STAT5B: variants seen among roughly 807,000 people sequenced by gnomAD.
STAT5B encodes transcription factor STAT5B.
Under a neutral mutation model 107.8 loss-of-function variants are expected in STAT5B, and 21 were observed. That is an observed-to-expected ratio of 0.19 (90% CI 0.14 to 0.28). STAT5B has a LOEUF of 0.28. Among genes scored for constraint, STAT5B ranks in the 10% least tolerant of loss-of-function variants. STAT5B has a pLI of 1.00. For missense variants in STAT5B, 565 were observed against 1,008.2 expected (o/e 0.56, Z 5.95); for synonymous variants, 325 against 401.7 (o/e 0.81, Z 2.28).
intron 15 of STAT5B, 26 bp downstream of exon 15, chr17:42,210,145 G>A (rs1435587446): frequency 1.2e-6 from 2 of 1,613,974 alleles, no homozygotes; most frequent in African/African-American, 1.3e-5. Flanking sequence ...AGCTAACTTT[G>A]GACATAAGAA....
chr17:42,235,861 C>A (rs189365533), intron 1 of STAT5B, among the ~76,000 whole-genome samples: 2 of 152,038 alleles, frequency 1.3e-5, no homozygotes, highest in African/African-American at 2.4e-5. Context: ...ACTTGCGGAG[C>A]GAATAAATAC....
chr17:42,262,774 ATGTATATATATACACATATATATGTG>A (rs1555553444), intron 1 of STAT5B, among the ~76,000 whole-genome samples: 9 of 134,838 alleles, frequency 6.7e-5, no homozygotes, highest in African/African-American at 2.6e-4. Flanking sequence ...ATATACATAT[ATGTATATATATACACATATATATGTG>A]TGTATATATA....
At chr17:42,266,025 T>G (rs2080668143) in intron 1 of STAT5B, among the ~76,000 whole-genome samples, 1 of 152,194 alleles carries the variant, frequency 6.6e-6, no homozygotes, top group Non-Finnish European at 1.5e-5. Flanking sequence ...TTTCTTATTT[T>G]GTCACTTAGC....
intron 12 of STAT5B, chr17:42,214,726 T>C (rs750981936): frequency 7.6e-4 from 657 of 870,038 alleles, no homozygotes; most frequent in Non-Finnish European, 8.6e-4. Flanking sequence ...ATTGGAAATA[T>C]GTAACAAATG....
chr17:42,218,476 G>A (rs543270785), intron 8 of STAT5B, 146 bp from the exon 9 acceptor site: 20 of 1,421,180 alleles, frequency 1.4e-5, no homozygotes, highest in East Asian at 2.3e-5. Flanking sequence ...TGGGGAAGCC[G>A]TGAGAGTCCA....
At chr17:42,284,421 C>A in the STAT5B span, among the ~76,000 whole-genome samples, 1 of 152,274 alleles carries the variant, frequency 6.6e-6, no homozygotes, top group East Asian at 1.9e-4. Flanking sequence ...TGTGCACCAC[C>A]ACGCCCAGCT....
the STAT5B span, among the ~76,000 whole-genome samples, chr17:42,286,936 T>G: frequency 6.6e-6 from 1 of 152,164 alleles, no homozygotes; most frequent in Non-Finnish European, 1.5e-5. Context: ...TGGCTTTCAT[T>G]CCAGTTGACC....
intron 1 of STAT5B, among the ~76,000 whole-genome samples, chr17:42,262,909 T>TACAC (rs1491249395): frequency 1.1e-4 from 13 of 122,568 alleles, no homozygotes; most frequent in African/African-American, 3.9e-4. Context: ...TATATATGTG[T>TACAC]ATATATATGT....
chr17:42,239,530 GTTA>G (rs1222376560), intron 1 of STAT5B, among the ~76,000 whole-genome samples: 1 of 152,196 alleles, frequency 6.6e-6, no homozygotes, highest in African/African-American at 2.4e-5. Context: ...ATTTATCAGT[GTTA>G]TTATTATCCC....
chr17:42,200,857 C>T lies in STAT5B; in HGVS notation c.*881G>A, dbSNP rs2080038151. ...GGCTGGGCAGCCGGAACAGCAGCTT[C>T]CTGGGTAACCAGGCAACAATCTCAG... On this transcript the variant is annotated 3_prime_UTR_variant, in exon 19 of 19. Coordinates refer to ENST00000293328, the MANE Select transcript of STAT5B (RefSeq NM_012448.4). 1 of 388,230 alleles carries T rather than the reference C, an allele frequency of 2.6e-6. No homozygotes were observed. The highest frequency in any genetic ancestry group is 4.5e-6 in the Non-Finnish European group (1 of 219,990). 24.0% of individuals were successfully genotyped at this position (388,230 alleles called of 1,614,324 possible). A position where few individuals can be genotyped will look rare whatever the true frequency, so the allele number is the denominator to read the frequency against.
chr17:42,227,131 T>G, intron 3 of STAT5B, among the ~76,000 whole-genome samples: 1 of 7,850 alleles, frequency 1.3e-4, no homozygotes. Context: ...CAAGACTCCG[T>G]CTCAAAAATA....
intron 12 of STAT5B, among the ~76,000 whole-genome samples, chr17:42,213,007 CAT>C (rs2080142060): frequency 6.6e-6 from 1 of 152,182 alleles, no homozygotes; most frequent in South Asian, 2.1e-4. Flanking sequence ...ACAAAATCCA[CAT>C]GTTCTGCATC....
intron 12 of STAT5B, 60 bp from the exon 13 acceptor site, chr17:42,212,250 G>A (rs2080135750): frequency 1.2e-6 from 2 of 1,613,224 alleles, no homozygotes; most frequent in Non-Finnish European, 1.7e-6. Flanking sequence ...ATTCCCTCAA[G>A]CCACAAAAGA....
Position 42,218,333 on chromosome 17 carries a change from G to A in STAT5B, c.990-3C>T. ...GCTGCTTCTCAATGATGAACGTGCT[G>A]CAGGGGACACAGGGACAGATGCATG... On this transcript the variant is annotated splice_region_variant and splice_polypyrimidine_tract_variant and intron_variant, in intron 8 of 18. Coordinates refer to ENST00000293328, the MANE Select transcript of STAT5B (RefSeq NM_012448.4). 6.2e-7 allele frequency: 1 copy of A among 1,613,370 alleles called. No homozygotes were observed. The highest frequency in any genetic ancestry group is 8.5e-7 in the Non-Finnish European group (1 of 1,179,492).
chr17:42,264,169 T>C (rs2080645576), intron 1 of STAT5B, among the ~76,000 whole-genome samples: 3 of 152,144 alleles, frequency 2.0e-5, no homozygotes, highest in African/African-American at 7.2e-5. Flanking sequence ...TTTATTGCTA[T>C]TTTAAGTAAC....
At chr17:42,270,112 G>A (rs1270547204) in intron 1 of STAT5B, among the ~76,000 whole-genome samples, 1 of 152,100 alleles carries the variant, frequency 6.6e-6, no homozygotes, top group Non-Finnish European at 1.5e-5. Flanking sequence ...CCGGAGGCTG[G>A]GCAGGAGAAT....
chr17:42,237,833 GA>G (rs1293126371), intron 1 of STAT5B, among the ~76,000 whole-genome samples: 1 of 152,036 alleles, frequency 6.6e-6, no homozygotes, highest in East Asian at 1.9e-4. Context: ...TGTACAATGG[GA>G]ATAATAATAC....
At chr17:42,237,946 T>C (rs1238607282) in intron 1 of STAT5B, among the ~76,000 whole-genome samples, 1 of 152,196 alleles carries the variant, frequency 6.6e-6, no homozygotes. Context: ...CTCACTACTG[T>C]TCTTACTGTT....
intron 1 of STAT5B, among the ~76,000 whole-genome samples, chr17:42,247,186 T>C (rs746924771): frequency 5.3e-5 from 8 of 152,180 alleles, no homozygotes; most frequent in Non-Finnish European, 8.8e-5. Context: ...CTATGTCTTT[T>C]ATGTACATCA....
Sources: allele counts gnomAD v4.1 joint callset (sites outside exome capture counted in the v4.1 genomes callset), GRCh38; gene constraint gnomAD v4.1.1; transcripts MANE v1.5; gene names NCBI Gene and HGNC (gene_info 2026-07-23, HGNC 2026-07-21).